The following SRGAP2C variants were observed in gnomAD, a reference collection of about 807,000 sequenced individuals.
SRGAP2C encodes SLIT-ROBO Rho GTPase-activating protein 2C.
Under a neutral mutation model 25.1 loss-of-function variants are expected in SRGAP2C, and 15 were observed. The ratio of observed to expected loss-of-function variants is 0.60; its 90% CI spans 0.40 to 0.92. The LOEUF is 0.92. SRGAP2C is among the 40% of genes least tolerant of loss of function. The pLI is 0.00. For synonymous variants in SRGAP2C, 44 were observed against 96.6 expected (o/e 0.46, Z 3.19); for missense variants, 144 against 264.4 (o/e 0.54, Z 3.16).
At chr1:121,321,877 C>G (rs1477081051) in intron 3 of SRGAP2C, among the ~76,000 whole-genome samples, 2 of 152,176 alleles carry the variant, frequency 1.3e-5, no homozygotes, top group African/African-American at 4.8e-5. Flanking sequence ...GATTTTGCCT[C>G]CTCTGCTTCC....
chr1:121,267,910 T>TA, intron 2 of SRGAP2C, among the ~76,000 whole-genome samples: 1 of 152,034 alleles, frequency 6.6e-6, no homozygotes, highest in Admixed American at 6.6e-5. Context: ...ATACTCATTA[T>TA]AAAAAATTCA....
chr1:121,322,138 C>T (rs1222175407), intron 3 of SRGAP2C, among the ~76,000 whole-genome samples: 5 of 149,268 alleles, frequency 3.3e-5, no homozygotes, highest in Non-Finnish European at 7.4e-5. Flanking sequence ...CAGTATAGAC[C>T]CCCCCAATCC....
At chr1:121,228,280 A>G (rs1306944671) in intron 2 of SRGAP2C, among the ~76,000 whole-genome samples, 1 of 149,102 alleles carries the variant, frequency 6.7e-6, no homozygotes, top group Non-Finnish European at 1.5e-5. Flanking sequence ...TCTGGAGTTT[A>G]TGAGCCTGGC....
chr1:121,355,043 AAGAG>A (rs1659030143), intron 4 of SRGAP2C, among the ~76,000 whole-genome samples: 2 of 82,804 alleles, frequency 2.4e-5, no homozygotes, highest in Admixed American at 1.6e-4. Flanking sequence ...CTCAAAAAAG[AAGAG>A]AGAGAGACAT....
chr1:121,308,760 GA>G (rs1657908964), intron 3 of SRGAP2C, among the ~76,000 whole-genome samples: 1 of 149,078 alleles, frequency 6.7e-6, no homozygotes, highest in Admixed American at 6.7e-5. Context: ...CCAACATGGA[GA>G]AACCCTGTCT....
At chr1:121,264,796 G>T in intron 2 of SRGAP2C, among the ~76,000 whole-genome samples, 1 of 129,080 alleles carries the variant, frequency 7.7e-6, no homozygotes, top group Admixed American at 8.2e-5. Flanking sequence ...TGTCTTCTCT[G>T]GTAGACTAGA....
intron 3 of SRGAP2C, among the ~76,000 whole-genome samples, chr1:121,294,788 G>A (rs1192587222): frequency 7.0e-6 from 1 of 142,408 alleles, no homozygotes; most frequent in Non-Finnish European, 1.5e-5. Context: ...CCCACTGTCA[G>A]TATCTTTTCA....
chr1:121,206,217 G>GACT (rs1157678753), intron 2 of SRGAP2C, among the ~76,000 whole-genome samples: 1 of 151,386 alleles, frequency 6.6e-6, no homozygotes, highest in African/African-American at 2.4e-5. Flanking sequence ...CCTTCCCCCA[G>GACT]ACTACACTCA....
intron 4 of SRGAP2C, among the ~76,000 whole-genome samples, chr1:121,351,649 A>ATAAC (rs1396100446): frequency 7.4e-5 from 11 of 149,248 alleles, no homozygotes; most frequent in East Asian, 2.0e-4. Context: ...AAATAAATAA[A>ATAAC]TAACCAAAAA....
intron 2 of SRGAP2C, among the ~76,000 whole-genome samples, chr1:121,195,345 G>T (rs587730808): frequency 5.9e-4 from 89 of 150,632 alleles, no homozygotes; most frequent in African/African-American, 2.1e-3. Context: ...AGGAGGCAGA[G>T]GTTGCAGTGA....
intron 4 of SRGAP2C, among the ~76,000 whole-genome samples, chr1:121,339,058 A>G (rs1328516740): frequency 6.6e-6 from 1 of 151,800 alleles, no homozygotes; most frequent in East Asian, 1.9e-4. Flanking sequence ...TTTTTTATAC[A>G]CATTTTTTTA....
chr1:121,321,730 A>T (rs1658208028), intron 3 of SRGAP2C, among the ~76,000 whole-genome samples: 1 of 151,394 alleles, frequency 6.6e-6, no homozygotes, highest in East Asian at 1.9e-4. Flanking sequence ...TATTAGCATT[A>T]AGTGATAAGG....
chr1:121,207,482 G>A (rs1159315270), intron 2 of SRGAP2C, among the ~76,000 whole-genome samples: 1 of 151,898 alleles, frequency 6.6e-6, no homozygotes, highest in Non-Finnish European at 1.5e-5. Context: ...TTCTTTTAAA[G>A]GCAGCCTGGG....
chr1:121,186,385 C>A (rs1357633283), intron 1 of SRGAP2C, among the ~76,000 whole-genome samples: 1 of 92,972 alleles, frequency 1.1e-5, no homozygotes, highest in South Asian at 2.9e-4. Flanking sequence ...AGATTTGCCC[C>A]CCCCACCCCA....
At chr1:121,208,756 TAATA>T (rs1195338212) in intron 2 of SRGAP2C, among the ~76,000 whole-genome samples, 4 of 152,074 alleles carry the variant, frequency 2.6e-5, no homozygotes, top group African/African-American at 9.7e-5. Flanking sequence ...GCTTAGCATA[TAATA>T]AATGTGTATT....
intron 4 of SRGAP2C, among the ~76,000 whole-genome samples, chr1:121,353,010 A>G (rs1274180605): frequency 5.4e-4 from 81 of 151,304 alleles, no homozygotes; most frequent in African/African-American, 1.8e-3. Flanking sequence ...GAATGGCGTG[A>G]ACCCGGGAGG....
intron 4 of SRGAP2C, among the ~76,000 whole-genome samples, chr1:121,355,146 T>C (rs1553347286): frequency 7.2e-6 from 1 of 139,428 alleles, no homozygotes; most frequent in African/African-American, 2.6e-5. Context: ...AGAATTAAAA[T>C]GGGAACTAGA....
chr1:121,296,016 C>T (rs1477769173), intron 3 of SRGAP2C, among the ~76,000 whole-genome samples: 3 of 151,576 alleles, frequency 2.0e-5, no homozygotes, highest in Non-Finnish European at 4.4e-5. Context: ...ACACCTTGGC[C>T]TCCCAAAGTG....
At chr1:121,353,489 G>T (rs1224586090) in intron 4 of SRGAP2C, among the ~76,000 whole-genome samples, 2 of 135,950 alleles carry the variant, frequency 1.5e-5, no homozygotes, top group Non-Finnish European at 3.2e-5. Flanking sequence ...GGCCAACCCT[G>T]TGGGGTTTTA....
Sources: allele counts gnomAD v4.1 joint callset (sites outside exome capture counted in the v4.1 genomes callset), GRCh38; gene constraint gnomAD v4.1.1; transcripts MANE v1.5; gene names NCBI Gene and HGNC (gene_info 2026-07-23, HGNC 2026-07-21).